Variants in TTC3 observed in about 807,000 individuals in gnomAD.
TTC3 encodes the protein E3 ubiquitin-protein ligase TTC3.
In TTC3, 180 loss-of-function variants were observed where a neutral mutation model predicts 249.6. The ratio of observed to expected loss-of-function variants is 0.72; its 90% CI spans 0.64 to 0.82. The LOEUF is 0.82. Ranked by LOEUF, TTC3 falls within the 40% of genes least tolerant of loss-of-function variation. TTC3 has a pLI of 0.00. For synonymous variants in TTC3, 717 were observed against 805.0 expected (o/e 0.89, Z 1.85); for missense variants, 2,061 against 2,398.4 (o/e 0.86, Z 2.94).
At chr21:37,159,418 C>T in intron 28 of TTC3, 1 of 345,480 alleles carries the variant, frequency 2.9e-6, no homozygotes, top group Non-Finnish European at 5.2e-6. Flanking sequence ...ATGGTAGGGA[C>T]TGTCTTGTGC....
chr21:37,157,614 G>A (rs1469532793), intron 28 of TTC3, among the ~76,000 whole-genome samples: 1 of 152,188 alleles, frequency 6.6e-6, no homozygotes, highest in African/African-American at 2.4e-5. Flanking sequence ...GTGGTGCAGG[G>A]GTAGAGTCTC....
intron 35 of TTC3, among the ~76,000 whole-genome samples, chr21:37,174,842 G>T (rs1021887828): frequency 3.3e-5 from 5 of 152,106 alleles, no homozygotes; most frequent in African/African-American, 1.2e-4. Context: ...TGGGGTGGTT[G>T]AAAAAGGACA....
intron 1 of TTC3, chr21:37,082,388 T>G: frequency 1.5e-6 from 1 of 670,142 alleles, no homozygotes; most frequent in Non-Finnish European, 1.8e-6. Flanking sequence ...ACCTCATGTG[T>G]TTGGTGATCA....
chr21:37,169,080 C>T (rs1461100368), intron 34 of TTC3, among the ~76,000 whole-genome samples: 1 of 48 alleles, frequency 0.021, no homozygotes, highest in Non-Finnish European at 0.042. Context: ...CAAATTATCA[C>T]TTCTGCGCAT....
intron 34 of TTC3, among the ~76,000 whole-genome samples, chr21:37,172,075 G>T (rs1388141219): frequency 1.3e-5 from 2 of 151,930 alleles, no homozygotes; most frequent in Non-Finnish European, 2.9e-5. Context: ...TGGGTTTGGG[G>T]TTTTTTTTGT....
intron 41 of TTC3, among the ~76,000 whole-genome samples, chr21:37,193,184 G>T (rs186031637): frequency 8.6e-4 from 131 of 151,912 alleles, no homozygotes; most frequent in African/African-American, 2.9e-3. Context: ...GCTGTTCCTA[G>T]CCTGGAGCAC....
chr21:37,136,534 C>A (rs1436839621), intron 18 of TTC3, among the ~76,000 whole-genome samples: 1 of 152,216 alleles, frequency 6.6e-6, no homozygotes, highest in African/African-American at 2.4e-5. Context: ...GAGCAAGACT[C>A]TAACTCTTCT....
chr21:37,185,758 C>A (rs2083193418), exon 37 of TTC3: 2 of 1,548,416 alleles, frequency 1.3e-6, no homozygotes, highest in African/African-American at 1.4e-5. Flanking sequence ...ACATCTGGAT[C>A]AGTCCCTTGA....
chr21:37,192,025 C>T (rs902572944), intron 40 of TTC3, 87 bp from the exon 41 acceptor site: 6 of 808,710 alleles, frequency 7.4e-6, no homozygotes, highest in Non-Finnish European at 1.2e-5. Flanking sequence ...CTTACCAAGA[C>T]AGTTATGTTT....
chr21:37,121,913 C>G (rs760891698), exon 12 of TTC3: 8 of 1,612,658 alleles, frequency 5.0e-6, no homozygotes, highest in Non-Finnish European at 6.8e-6. Context: ...TAAAAATGAC[C>G]CTGAGGGAAT....
chr21:37,194,544 T>A (rs940296666), intron 41 of TTC3: 2 of 152,122 alleles, frequency 1.3e-5, no homozygotes, highest in Non-Finnish European at 2.9e-5. Context: ...CAATCAGATA[T>A]GCCATAGAGA....
chr21:37,106,262 A>T (rs2075069196), intron 10 of TTC3, among the ~76,000 whole-genome samples: 3 of 152,146 alleles, frequency 2.0e-5, no homozygotes, highest in Non-Finnish European at 4.4e-5. Flanking sequence ...TCTTGAGTAG[A>T]ATGCCCTATT....
At chr21:37,105,783 G>A (rs1010417166) in intron 10 of TTC3, among the ~76,000 whole-genome samples, 5 of 152,228 alleles carry the variant, frequency 3.3e-5, no homozygotes, top group African/African-American at 1.2e-4. Context: ...TTTCAGCATC[G>A]TTTTTGAGAT....
chr21:37,096,747 C>A, intron 10 of TTC3, 104 bp downstream of exon 10: 3 of 822,086 alleles, frequency 3.6e-6, no homozygotes, highest in South Asian at 3.2e-5. Context: ...TTGACTGGTT[C>A]TTTGGCAGAA....
At chr21:37,116,374 A>G (rs536416477) in intron 11 of TTC3, among the ~76,000 whole-genome samples, 4 of 152,258 alleles carry the variant, frequency 2.6e-5, no homozygotes, top group Non-Finnish European at 5.9e-5. Flanking sequence ...GATTTCAGCC[A>G]TATCTGTATC....
At chr21:37,121,868 G>T in exon 12 of TTC3, 2 of 1,611,982 alleles carry the variant, frequency 1.2e-6, no homozygotes, top group South Asian at 1.1e-5. Flanking sequence ...ATATGACTGG[G>T]CCCTGCAAGC....
At chr21:37,153,160 C>A in exon 27 of TTC3, 1 of 1,614,054 alleles carries the variant, frequency 6.2e-7, no homozygotes, top group Non-Finnish European at 8.5e-7. Context: ...CTATGTTATT[C>A]GCCACTTGAT....
chr21:37,191,192 G>A, intron 39 of TTC3, 142 bp from the exon 40 acceptor site: 1 of 515,000 alleles, frequency 1.9e-6, no homozygotes, highest in Admixed American at 4.2e-5. Flanking sequence ...TACAAGATAA[G>A]CAATTCCTTA....
intron 9 of TTC3, among the ~76,000 whole-genome samples, chr21:37,095,673 A>T (rs539311933): frequency 2.0e-5 from 3 of 152,260 alleles, no homozygotes; most frequent in Admixed American, 1.3e-4. Context: ...TTTCTGTTCC[A>T]TTTTCTTTAA....
Sources: gnomAD v4.1 joint callset for allele counts (sites outside exome capture counted in the v4.1 genomes callset) on GRCh38, gnomAD v4.1.1 for gene constraint, MANE v1.5 for transcripts, NCBI Gene and HGNC (gene_info 2026-07-23, HGNC 2026-07-21) for gene names.